Variants in BICDL1 observed in about 807,000 individuals in gnomAD.
BICDL1 encodes the protein BICD family-like cargo adapter 1.
Under a neutral mutation model 76.8 loss-of-function variants are expected in BICDL1, and 20 were observed. The observed-to-expected ratio is 0.26, with a 90% CI of 0.18 to 0.38. The LOEUF is 0.38. Among genes scored for constraint, BICDL1 ranks in the 10% least tolerant of loss-of-function variants. The pLI, the probability that BICDL1 is intolerant of heterozygous loss-of-function variation, is 1.00. For synonymous variants in BICDL1, 383 were observed against 337.1 expected (o/e 1.14, Z -1.49); for missense variants, 700 against 798.6 (o/e 0.88, Z 1.49).
At chr12:120,090,177 G>A in intron 9 of BICDL1, 106 bp downstream of exon 9, 1 of 1,334,398 alleles carries the variant, frequency 7.5e-7, no homozygotes, top group Non-Finnish European at 1.0e-6. Context: ...CATGTGACTG[G>A]GTGAACAGCA....
chr12:120,008,446 A>G (rs1466774529), intron 2 of BICDL1, among the ~76,000 whole-genome samples: 2 of 152,186 alleles, frequency 1.3e-5, no homozygotes, highest in Non-Finnish European at 2.9e-5. Context: ...GGCGTGAGCC[A>G]CTGTGCCCAG....
Position 120,094,134 on chromosome 12 carries a change from T to C in BICDL1, c.*973T>C. ...CTGCCGGAAGCCTCCAGATGCTGCC[T>C]GCCTGCCTGCAGAAGCCTGCAGTGG... On this transcript the variant is annotated 3_prime_UTR_variant, in exon 10 of 10. Transcript: ENST00000548673. 2.3e-6 allele frequency: 1 copy of C among 440,312 alleles called. No individual in the cohort carries two copies. The highest frequency in any genetic ancestry group is 1.6e-5 in the South Asian group (1 of 63,246). The allele number at this position is 440,312 out of a possible 1,614,324, so 27.3% of individuals were successfully genotyped here.
At chr12:120,033,172 A>T (rs1470517778) in intron 2 of BICDL1, among the ~76,000 whole-genome samples, 2 of 152,066 alleles carry the variant, frequency 1.3e-5, no homozygotes, top group Non-Finnish European at 2.9e-5. Flanking sequence ...AGTCAAATTT[A>T]AATTTCCCCA....
chr12:119,991,503 C>G (rs1186109775), intron 1 of BICDL1, among the ~76,000 whole-genome samples: 1 of 152,168 alleles, frequency 6.6e-6, no homozygotes, highest in Non-Finnish European at 1.5e-5. Context: ...TCCTGAGATA[C>G]CTCTCTGAAA....
chr12:120,027,899 A>G (rs1166514900), intron 2 of BICDL1, among the ~76,000 whole-genome samples: 1 of 152,218 alleles, frequency 6.6e-6, no homozygotes, highest in Non-Finnish European at 1.5e-5. Flanking sequence ...GTGCAGTACA[A>G]GAAAGGCCAA....
intron 2 of BICDL1, among the ~76,000 whole-genome samples, chr12:120,010,789 A>G (rs1951938310): frequency 6.6e-6 from 1 of 152,134 alleles, no homozygotes; most frequent in South Asian, 2.1e-4. Context: ...CTAATCTATG[A>G]CTAGTTAAGG....
intron 2 of BICDL1, among the ~76,000 whole-genome samples, chr12:120,054,590 A>C (rs532794708): frequency 2.0e-5 from 3 of 152,192 alleles, no homozygotes; most frequent in South Asian, 4.1e-4. Context: ...AATGAGGATT[A>C]ATAATAGGCT....
chr12:120,089,273 T>C (rs950938746), intron 8 of BICDL1, among the ~76,000 whole-genome samples: 1 of 116,480 alleles, frequency 8.6e-6, no homozygotes, highest in Non-Finnish European at 1.8e-5. Context: ...TTTTTCAACG[T>C]GTGTGTGTGT....
At chr12:120,009,019 TC>T (rs1283324623) in intron 2 of BICDL1, among the ~76,000 whole-genome samples, 1 of 151,666 alleles carries the variant, frequency 6.6e-6, no homozygotes, top group East Asian at 1.9e-4. Flanking sequence ...GATGGAGTCT[TC>T]CTCTGTCACC....
intron 2 of BICDL1, among the ~76,000 whole-genome samples, chr12:120,020,116 C>T (rs1952149056): frequency 6.6e-6 from 1 of 152,178 alleles, no homozygotes; most frequent in South Asian, 2.1e-4. Context: ...ATTTTAATTT[C>T]TGAATAACCA....
chr12:120,070,017 T>TAA (rs1210074635), intron 4 of BICDL1, among the ~76,000 whole-genome samples: 3 of 152,208 alleles, frequency 2.0e-5, no homozygotes, highest in Admixed American at 2.0e-4. Context: ...TATTCTAACA[T>TAA]GTGAACATAC....
At chr12:120,015,406 T>A (rs770751716) in intron 2 of BICDL1, among the ~76,000 whole-genome samples, 5 of 152,200 alleles carry the variant, frequency 3.3e-5, no homozygotes, top group Non-Finnish European at 5.9e-5. Context: ...CCGTTGGAAT[T>A]TCCCCCAGTC....
At chr12:120,025,606 G>A (rs1952283082) in intron 2 of BICDL1, among the ~76,000 whole-genome samples, 1 of 152,114 alleles carries the variant, frequency 6.6e-6, no homozygotes, top group African/African-American at 2.4e-5. Context: ...CTACTGCATA[G>A]CATTGACTGC....
At position 119,989,555 on chromosome 12, in the gene BICDL1, C is replaced by G. The variant is rs979045204; in HGVS notation, c.-314C>G. Reference sequence around the variant, plus strand: ...TTCCTCCCCTCCCGCTTCGCCGACCCTCAGTCTCTGTTCCTGAGTCCTCCC... The same window carrying G: ...TTCCTCCCCTCCCGCTTCGCCGACCGTCAGTCTCTGTTCCTGAGTCCTCCC... On this transcript the variant is annotated 5_prime_UTR_variant, in exon 1 of 10. Transcript: ENST00000548673. Among the ~76,000 whole-genome samples, 4 of 150,616 alleles carry G rather than the reference C, an allele frequency of 2.7e-5. No homozygotes were observed. Among genetic ancestry groups the G allele is most frequent in the Non-Finnish European group, 5.9e-5 (4 of 67,468 alleles).
chr12:120,003,439 A>T (rs909713118), intron 2 of BICDL1, among the ~76,000 whole-genome samples: 1 of 152,178 alleles, frequency 6.6e-6, no homozygotes, highest in African/African-American at 2.4e-5. Context: ...AGATTATTAG[A>T]ACTATAACTG....
At chr12:119,991,298 A>G (rs982911391) in intron 1 of BICDL1, among the ~76,000 whole-genome samples, 9 of 152,210 alleles carry the variant, frequency 5.9e-5, no homozygotes, top group Non-Finnish European at 1.5e-5. Flanking sequence ...ATGAGGTTTG[A>G]AATTGACCCT....
At chr12:120,012,958 C>T (rs1951982790) in intron 2 of BICDL1, among the ~76,000 whole-genome samples, 1 of 152,158 alleles carries the variant, frequency 6.6e-6, no homozygotes, top group African/African-American at 2.4e-5. Context: ...CTTTACATTG[C>T]CTTCAGTGGT....
intron 3 of BICDL1, among the ~76,000 whole-genome samples, chr12:120,063,748 G>A (rs992376435): frequency 1.3e-5 from 2 of 152,136 alleles, no homozygotes; most frequent in African/African-American, 2.4e-5. Flanking sequence ...GAGGATCCAC[G>A]AGGACCTCCA....
At chr12:120,062,990 G>C (rs1336519819) in intron 3 of BICDL1, among the ~76,000 whole-genome samples, 1 of 152,184 alleles carries the variant, frequency 6.6e-6, no homozygotes, top group African/African-American at 2.4e-5. Context: ...CTGGGTGAGG[G>C]AGTTGGTGGC....
Sources: allele counts gnomAD v4.1 joint callset (sites outside exome capture counted in the v4.1 genomes callset), GRCh38; gene constraint gnomAD v4.1.1; transcripts MANE v1.5; gene names NCBI Gene and HGNC (gene_info 2026-07-23, HGNC 2026-07-21).